The following GSG1 variants were observed in gnomAD, a reference collection of about 807,000 sequenced individuals.
The protein encoded by GSG1 is germ cell-specific gene 1 protein.
A neutral mutation model predicts 30.8 loss-of-function variants in GSG1; 28 were observed. That is an observed-to-expected ratio of 0.91 (90% CI 0.67 to 1.25). The LOEUF (loss-of-function observed/expected upper bound fraction) is 1.25. Ranked by LOEUF, GSG1 falls within the 50% of genes most tolerant of loss-of-function variation. The probability of loss-of-function intolerance (pLI) is 0.00; values close to 1 mark genes in which losing one functional copy is unlikely to be tolerated. For synonymous variants in GSG1, 162 were observed against 178.0 expected (o/e 0.91, Z 0.71); for missense variants, 435 against 444.7 (o/e 0.98, Z 0.20).
intron 5 of GSG1, 58 bp from the exon 6 acceptor site, chr12:13,087,321 G>A (rs2120638284): frequency 7.5e-7 from 1 of 1,340,980 alleles, no homozygotes; most frequent in Non-Finnish European, 1.1e-6. Flanking sequence ...CCATCTGCCA[G>A]GAGTACGATT....
At chr12:13,098,688 C>T (rs1332812554) in intron 1 of GSG1, among the ~76,000 whole-genome samples, 1 of 152,024 alleles carries the variant, frequency 6.6e-6, no homozygotes, top group African/African-American at 2.4e-5. Flanking sequence ...GTGCTTACAC[C>T]CTTCAAATAC....
intron 5 of GSG1, 122 bp from the exon 6 acceptor site, chr12:13,087,385 C>A: frequency 1.5e-6 from 1 of 656,834 alleles, no homozygotes; most frequent in Non-Finnish European, 2.7e-6. Flanking sequence ...AGCCCATTAC[C>A]CTATGCCACC....
chr12:13,101,011 T>C lies in GSG1; in HGVS notation c.48+2454A>G, dbSNP rs144128699. Among the ~76,000 whole-genome samples the C allele has an allele frequency of 3.0e-4, 46 of 152,366 alleles. No individual in the cohort carries two copies. Among genetic ancestry groups the C allele is most frequent in the Middle Eastern group, 3.4e-3 (1 of 294 alleles). On this transcript the variant is annotated intron_variant, in intron 1 of 6. Coordinates refer to ENST00000651961, the MANE Select transcript of GSG1 (RefSeq NM_001080555.4). This position sits in a 1 kb window ranked among gnomAD's most constrained non-coding sequence, Gnocchi z 5.8. ...TTTAATGGAATTGTTTGAGGACTTTTGCTAATGCAGTCATTTCCAGGAGAG... is the reference window on the plus strand; with the variant it reads ...TTTAATGGAATTGTTTGAGGACTTTCGCTAATGCAGTCATTTCCAGGAGAG...
intron 1 of GSG1, among the ~76,000 whole-genome samples, chr12:13,099,041 G>T (rs922564141): frequency 1.3e-5 from 2 of 152,128 alleles, no homozygotes; most frequent in Admixed American, 1.3e-4. Flanking sequence ...CAAAGCCTGG[G>T]TCCACCCCTT....
In GSG1 at chr12:13,089,201, C is replaced by A. The variant is rs1393330936; in HGVS notation, c.433+7G>T. Reference sequence around the variant, plus strand: ...GAAGAGTTAATGATCTTAGTGTTAACTAATACCTTTTGCTGCCGCTGTACC... The same window carrying A: ...GAAGAGTTAATGATCTTAGTGTTAAATAATACCTTTTGCTGCCGCTGTACC... On this transcript the variant is annotated splice_region_variant and intron_variant, in intron 3 of 6. Coordinates refer to ENST00000651961, the MANE Select transcript of GSG1 (RefSeq NM_001080555.4). The A allele has an allele frequency of 3.9e-6, 6 of 1,553,826 alleles. No individual in the cohort carries two copies. The highest frequency in any genetic ancestry group is 5.2e-6 in the Non-Finnish European group (6 of 1,148,114).
chr12:13,095,638 C>A, intron 1 of GSG1: 1 of 1,614,192 alleles, frequency 6.2e-7, no homozygotes. Context: ...TCTGGAAGAA[C>A]CGAAGGATGC....
At position 13,090,822 on chromosome 12, in the gene GSG1, T is replaced by C; in HGVS notation, c.49-4A>G. On this transcript the variant is annotated splice_polypyrimidine_tract_variant and splice_region_variant and intron_variant, in intron 1 of 6. Transcript: ENST00000651961. ...AGAAGGCCTTCGAGAGCTCCATCTG[T>C]AATAGACAAGCACAAGTGGAAGGGA... 1 of 1,601,838 alleles carries C rather than the reference T, an allele frequency of 6.2e-7. No individual in the cohort carries two copies. Among genetic ancestry groups the C allele is most frequent in the Non-Finnish European group, 8.5e-7 (1 of 1,172,446 alleles).
chr12:13,097,925 T>G (rs1449039926), intron 1 of GSG1, among the ~76,000 whole-genome samples: 1 of 152,218 alleles, frequency 6.6e-6, no homozygotes, highest in African/African-American at 2.4e-5. Flanking sequence ...CTGAACTTAA[T>G]TGTTTGAATT....
intron 1 of GSG1, among the ~76,000 whole-genome samples, chr12:13,097,854 G>T (rs1389525306): frequency 2.0e-5 from 3 of 152,196 alleles, no homozygotes; most frequent in African/African-American, 7.2e-5. Context: ...CTAGCCATGA[G>T]GTCATGTTTT....
chr12:13,099,760 TTTTTTTTTG>T (rs1194318477), intron 1 of GSG1, among the ~76,000 whole-genome samples: 1 of 110,294 alleles, frequency 9.1e-6, no homozygotes, highest in East Asian at 3.0e-4. Flanking sequence ...GTTTTTTTTT[TTTTTTTTTG>T]TTTTTTCTTC....
chr12:13,084,820 G>A lies in GSG1; in HGVS notation c.*81C>T, dbSNP rs189159052. On this transcript the variant is annotated 3_prime_UTR_variant, in exon 7 of 7. Coordinates refer to ENST00000651961, the MANE Select transcript of GSG1 (RefSeq NM_001080555.4). ...CCTCTAAAAACCATGCTCAAGAGAC[G>A]GATGTTGGCTTAAGCACATGTTGAT... is the stretch of plus-strand genomic sequence containing the variant. The A allele has an allele frequency of 6.5e-5, 58 of 895,858 alleles. 1 individual carries two copies. In the East Asian group the frequency reaches 1.3e-3, roughly 20 times the overall value. 55.5% of individuals were successfully genotyped at this position (895,858 alleles called of 1,614,324 possible).
Position 13,103,632 on chromosome 12 carries a change from G to A in GSG1, c.-120C>T, listed in dbSNP as rs1863376552. 9.4e-7 allele frequency: 1 copy of A among 1,068,204 alleles called. No homozygotes were observed. The highest frequency in any genetic ancestry group is 1.4e-6 in the Non-Finnish European group (1 of 699,956). 66.2% of individuals were successfully genotyped at this position (1,068,204 alleles called of 1,614,324 possible). A position where few individuals can be genotyped will look rare whatever the true frequency, so the allele number is the denominator to read the frequency against. Reference sequence around the variant, plus strand: ...CAGGTCCCCTCTTGCCAGCAGAGGGGTAAGGTGGTGTGTGGTGGATTGGAG... The same window carrying A: ...CAGGTCCCCTCTTGCCAGCAGAGGGATAAGGTGGTGTGTGGTGGATTGGAG... On this transcript the variant is annotated 5_prime_UTR_variant, in exon 1 of 7. Transcript: ENST00000651961.
At position 13,093,259 on chromosome 12, in the gene GSG1, A is replaced by G. The variant is rs1333258840; in HGVS notation, c.49-2441T>C. Among the ~76,000 whole-genome samples, 1 of 152,226 alleles carries G rather than the reference A, an allele frequency of 6.6e-6. No individual in the cohort carries two copies. Among genetic ancestry groups the G allele is most frequent in the Non-Finnish European group, 1.5e-5 (1 of 68,040 alleles). Reference sequence around the variant, plus strand: ...GAAAAAAGAATTGGGAGCATTCCAAATGCTCTTTGTGATAATCGTTTTTGG... The same window carrying G: ...GAAAAAAGAATTGGGAGCATTCCAAGTGCTCTTTGTGATAATCGTTTTTGG... On this transcript the variant is annotated intron_variant, in intron 1 of 6. Transcript: ENST00000651961. The surrounding 1 kb of genome is among the most constrained non-coding windows in gnomAD (Gnocchi z 4.6).
Position 13,085,165 on chromosome 12 carries a change from C to A in GSG1, c.825G>T (p.Glu275Asp), listed in dbSNP as rs763664564. ...AGCTCTTACTATGCTTGCACTTGAA[C>A]TCCAGCACCATCCTGGTGTACGTGT... ...TFNTYTRMVL[E>D]FKCKHSKSFK... is the part of the protein sequence containing the mutation. The change falls in exon 7 of 7, where the codon GAG becomes GAT. Residue 275 changes from glutamate to aspartate, a missense_variant. Coordinates refer to ENST00000651961, the MANE Select transcript of GSG1 (RefSeq NM_001080555.4). 3.1e-6 allele frequency: 5 copies of A among 1,614,012 alleles called. No homozygotes were observed. In the Admixed American group the frequency reaches 8.3e-5, roughly 27 times the overall value.
In GSG1 at chr12:13,087,217, T is replaced by C. The variant is rs1865630160; in HGVS notation, c.681A>G (p.Gln227=). Residue 227 remains glutamine (Q), a synonymous_variant, in exon 6 of 7, where the codon CAA becomes CAG. Coordinates refer to ENST00000651961, the MANE Select transcript of GSG1 (RefSeq NM_001080555.4). ...VAHMMYSQVF[Q]ATVNLGPEDW... The stretch of plus-strand genomic sequence containing the variant: ...CTTCTGGACCCAAGTTGACAGTCGC[T>C]TGGAAGACTTGTGAATACATCATGT... 1 of 1,614,098 alleles carries C rather than the reference T, an allele frequency of 6.2e-7. No homozygotes were observed. The highest frequency in any genetic ancestry group is 8.5e-7 in the Non-Finnish European group (1 of 1,179,966).
intron 2 of GSG1, chr12:13,089,482 G>T: frequency 1.4e-6 from 1 of 692,704 alleles, no homozygotes; most frequent in Non-Finnish European, 2.3e-6. Flanking sequence ...GGTGTCTTCA[G>T]CTCATTCCTC....
intron 1 of GSG1, among the ~76,000 whole-genome samples, chr12:13,099,750 G>GTTTTT (rs57762367): frequency 0.038 from 4,357 of 114,504 alleles, 97 homozygotes; most frequent in South Asian, 0.086. Context: ...GTTTTTTTTT[G>GTTTTT]TTTTTTTTTT....
Position 13,101,285 on chromosome 12 carries a change from C to G in GSG1, c.48+2180G>C, listed in dbSNP as rs1162649225. ...CCTGATGAGTAACGCGCCGTCTCTC[C>G]CGTTTACTACGGCGCCCGGTCGCCT... On this transcript the variant is annotated intron_variant, in intron 1 of 6. Transcript: ENST00000651961. The surrounding 1 kb of genome is among the most constrained non-coding windows in gnomAD (Gnocchi z 5.8). Among the ~76,000 whole-genome samples, 1 of 152,208 alleles carries G rather than the reference C, an allele frequency of 6.6e-6. No homozygotes were observed. Among genetic ancestry groups the G allele is most frequent in the Non-Finnish European group, 1.5e-5 (1 of 68,026 alleles).
In GSG1 at chr12:13,090,729, C is replaced by T. The variant is rs1866024664; in HGVS notation, c.138G>A (p.Leu46=). Reference sequence around the variant, plus strand: ...TGCCCACAAACCAGTAGTTGCTGAGCAGGGATGTTGTGGAGAAGCTGAGTG... The same window carrying T: ...TGCCCACAAACCAGTAGTTGCTGAGTAGGGATGTTGTGGAGAAGCTGAGTG... ...MLSLSFSTTS[L]LSNYWFVGTQ... is the part of the protein sequence containing the mutation. Residue 46 remains leucine, a synonymous_variant, in exon 2 of 7, where the codon CTG becomes CTA. Transcript: ENST00000651961. 1 of 1,614,238 alleles carries T rather than the reference C, an allele frequency of 6.2e-7. No homozygotes were observed.
Sources: allele counts gnomAD v4.1 joint callset (sites outside exome capture counted in the v4.1 genomes callset), GRCh38; gene constraint gnomAD v4.1.1; non-coding constraint Gnocchi (gnomAD v3.1); transcripts MANE v1.5; gene names NCBI Gene and HGNC (gene_info 2026-07-23, HGNC 2026-07-21).